Variants in B4GALNT2 observed in about 807,000 individuals in gnomAD.
The protein encoded by B4GALNT2 is N-acetylneuraminylgalactosylglucosyl-glucoside beta-1,4-N- acetylgalactosaminyltransferase 2.
B4GALNT2 carries 42 observed loss-of-function variants against 51.1 expected under a neutral mutation model. The ratio of observed to expected loss-of-function variants is 0.82; its 90% CI spans 0.64 to 1.06. The LOEUF (loss-of-function observed/expected upper bound fraction) is 1.06. Ranked by LOEUF, B4GALNT2 falls within the 50% of genes least tolerant of loss-of-function variation. The probability of loss-of-function intolerance (pLI) is 0.00; values close to 1 mark genes in which losing one functional copy is unlikely to be tolerated. For synonymous variants in B4GALNT2, 253 were observed against 251.7 expected, an observed-to-expected ratio of 1.01 and a Z score of -0.05; for missense variants, 602 against 633.6, an observed-to-expected ratio of 0.95 and a Z score of 0.54.
chr17:49,162,537 C>A (rs887784820), intron 7 of B4GALNT2, among the ~76,000 whole-genome samples: 1 of 152,134 alleles, frequency 6.6e-6, no homozygotes, highest in Admixed American at 6.5e-5. Context: ...AGCAATTCCA[C>A]TTCTAGAAAT....
chr17:49,122,335 G>A, the B4GALNT2 span, among the ~76,000 whole-genome samples: 2 of 152,170 alleles, frequency 1.3e-5, no homozygotes, highest in Admixed American at 1.3e-4. Context: ...AAGGAAGAGA[G>A]GTGGCATGTT....
At chr17:49,124,047 A>T in the B4GALNT2 span, among the ~76,000 whole-genome samples, 3 of 152,250 alleles carry the variant, frequency 2.0e-5, no homozygotes, top group East Asian at 5.8e-4. Context: ...AGAGAGAAAC[A>T]AGTATGCTCC....
chr17:49,146,000 CA>C (rs2042691601), intron 3 of B4GALNT2, among the ~76,000 whole-genome samples: 1 of 152,120 alleles, frequency 6.6e-6, no homozygotes, highest in Non-Finnish European at 1.5e-5. Flanking sequence ...GTTGCGGGAA[CA>C]GGAAGCAAAA....
intron 8 of B4GALNT2, among the ~76,000 whole-genome samples, chr17:49,164,556 C>T (rs1449719880): frequency 1.4e-5 from 2 of 148,076 alleles, no homozygotes; most frequent in South Asian, 2.1e-4. Context: ...GGCTGGAGTG[C>T]CGTGGCATGA....
upstream of B4GALNT2, among the ~76,000 whole-genome samples, chr17:49,131,256 T>A (rs1232200603): frequency 6.6e-6 from 1 of 152,132 alleles, no homozygotes; most frequent in African/African-American, 2.4e-5. Context: ...TTCTGATTGG[T>A]CTTGTCAAAG....
chr17:49,163,756 CAAAA>C (rs10589274), intron 7 of B4GALNT2, among the ~76,000 whole-genome samples: 7 of 91,124 alleles, frequency 7.7e-5, no homozygotes, highest in South Asian at 3.9e-4. Flanking sequence ...AACTCCGTAT[CAAAA>C]AAAAAAAAAA....
chr17:49,141,212 A>G (rs1330734246), intron 1 of B4GALNT2, 35 bp from the exon 2 acceptor site: 4 of 1,586,478 alleles, frequency 2.5e-6, no homozygotes, highest in Non-Finnish European at 3.5e-6. Flanking sequence ...AAGAAAAAAG[A>G]TTTTAACATA....
Position 49,175,776 on chromosome 17 carries a change from G to A in B4GALNT2, c.*6048G>A, listed in dbSNP as rs945634994. 9 of 152,120 alleles carry A rather than the reference G, an allele frequency of 5.9e-5. No individual in the cohort carries two copies. Among genetic ancestry groups the A allele is most frequent in the Non-Finnish European group, 8.8e-5 (6 of 68,042 alleles). The allele number at this position is 152,120 out of a possible 1,614,324, so 9.4% of individuals were successfully genotyped here. On this transcript the variant is annotated 3_prime_UTR_variant, in exon 11 of 11. Coordinates refer to ENST00000393354, the MANE Select transcript of B4GALNT2 (RefSeq NM_001159387.2). ...TGAATAGAACTGAGAGCAGTCACTC[G>A]AGGCACTGCTAGAACAGTCACTGGG...
intron 3 of B4GALNT2, among the ~76,000 whole-genome samples, chr17:49,144,732 T>A (rs1316955220): frequency 2.0e-5 from 3 of 152,222 alleles, no homozygotes; most frequent in Non-Finnish European, 2.9e-5. Flanking sequence ...AAACCCCATG[T>A]ATTAGTCAGG....
chr17:49,134,070 C>T (rs1204463887), intron 1 of B4GALNT2, among the ~76,000 whole-genome samples: 1 of 152,146 alleles, frequency 6.6e-6, no homozygotes, highest in Non-Finnish European at 1.5e-5. Flanking sequence ...CCCCAACTTC[C>T]CCCACTCCAC....
In B4GALNT2 at chr17:49,173,261, A is replaced by G. The variant is rs1398933170; in HGVS notation, c.*3533A>G. 6.6e-6 allele frequency: 1 copy of G among 152,198 alleles called. No individual in the cohort carries two copies. The highest frequency in any genetic ancestry group is 1.5e-5 in the Non-Finnish European group (1 of 68,014). 9.4% of individuals were successfully genotyped at this position (152,198 alleles called of 1,614,324 possible). ...GTGGAATCGTAGTTGAGCATTTTCAATTAATTGTGTGGAATGAATCATGTA... is the reference window on the plus strand; with the variant it reads ...GTGGAATCGTAGTTGAGCATTTTCAGTTAATTGTGTGGAATGAATCATGTA... On this transcript the variant is annotated 3_prime_UTR_variant, in exon 11 of 11. Transcript: ENST00000393354.
the B4GALNT2 span, among the ~76,000 whole-genome samples, chr17:49,121,626 T>C: frequency 3.3e-5 from 5 of 152,102 alleles, no homozygotes; most frequent in Admixed American, 3.3e-4. Flanking sequence ...TCAGGTTACT[T>C]AAGAATTTGC....
In B4GALNT2 at chr17:49,170,071, G is replaced by C. The variant is rs2042948056; in HGVS notation, c.*343G>C. On this transcript the variant is annotated 3_prime_UTR_variant, in exon 11 of 11. Transcript: ENST00000393354. The stretch of plus-strand genomic sequence containing the variant: ...TCCTCAGTCAAAAGAACAGCTGCCT[G>C]GTCCTTGATAGTTGTTTGGTGGAAA... The C allele has an allele frequency of 5.0e-6, 1 of 201,266 alleles. No homozygotes were observed. 12.5% of individuals were successfully genotyped at this position (201,266 alleles called of 1,614,324 possible).
At chr17:49,143,292 C>A (rs1374309091) in intron 3 of B4GALNT2, among the ~76,000 whole-genome samples, 80 of 133,264 alleles carry the variant, frequency 6.0e-4, no homozygotes, top group African/African-American at 2.2e-3. Flanking sequence ...ACAACAACAA[C>A]AACAAAAACA....
In B4GALNT2 at chr17:49,142,109, G is replaced by A. The variant is rs763824485; in HGVS notation, c.290G>A (p.Gly97Asp). Residue 97 changes from glycine to aspartate, a missense_variant, in exon 3 of 11, where the codon GGC becomes GAC. Coordinates refer to ENST00000393354, the MANE Select transcript of B4GALNT2 (RefSeq NM_001159387.2). ...QGGYNFQDAYGQSDLPAVKAR... is the reference protein window; with the variant it reads ...QGGYNFQDAYDQSDLPAVKAR... Reference sequence around the variant, plus strand: ...GGTTACAACTTTCAGGATGCCTATGGCCAGAGCGACCTCCCAGCGGTGAAA... The same window carrying A: ...GGTTACAACTTTCAGGATGCCTATGACCAGAGCGACCTCCCAGCGGTGAAA... 1.2e-6 allele frequency: 2 copies of A among 1,613,978 alleles called. No homozygotes were observed.
intron 4 of B4GALNT2, among the ~76,000 whole-genome samples, chr17:49,155,908 T>C (rs1269436171): frequency 6.6e-6 from 1 of 151,784 alleles, no homozygotes; most frequent in Admixed American, 6.6e-5. Context: ...TGTGTGTTTT[T>C]AGTAGAGACG....
At chr17:49,132,462 G>T (rs1486382109), upstream of B4GALNT2, 1 of 317,498 alleles carries the variant, frequency 3.1e-6, no homozygotes, top group Non-Finnish European at 5.7e-6. Flanking sequence ...GGTGGGTCAA[G>T]GCCGCGAGGT....
At chr17:49,124,173 C>T in the B4GALNT2 span, among the ~76,000 whole-genome samples, 4 of 152,176 alleles carry the variant, frequency 2.6e-5, no homozygotes, top group African/African-American at 9.6e-5. Flanking sequence ...AGCAAAACGT[C>T]AAAAAGATCA....
chr17:49,146,309 C>G (rs527466375), intron 3 of B4GALNT2, among the ~76,000 whole-genome samples: 4 of 152,032 alleles, frequency 2.6e-5, no homozygotes, highest in Non-Finnish European at 5.9e-5. Flanking sequence ...TGCCGCACTT[C>G]TTCTTCTTCT....
Sources: allele counts gnomAD v4.1 joint callset (sites outside exome capture counted in the v4.1 genomes callset), GRCh38; gene constraint gnomAD v4.1.1; transcripts MANE v1.5; gene names NCBI Gene and HGNC (gene_info 2026-07-23, HGNC 2026-07-21).